PCDHA8: variants seen among roughly 807,000 people sequenced by gnomAD.
PCDHA8 encodes protocadherin alpha-8.
In PCDHA8, 53 loss-of-function variants were observed where a neutral mutation model predicts 61.8. The ratio of observed to expected loss-of-function variants is 0.86; its 90% CI spans 0.69 to 1.08. The LOEUF (loss-of-function observed/expected upper bound fraction) is 1.08, where lower values mean the gene tolerates loss of function less well. Ranked by LOEUF, PCDHA8 falls within the 50% of genes least tolerant of loss-of-function variation. The probability of loss-of-function intolerance (pLI) is 0.00; values close to 1 mark genes in which losing one functional copy is unlikely to be tolerated. For missense variants in PCDHA8, 1,293 were observed against 1,245.0 expected (o/e 1.04, Z -0.58); for synonymous variants, 618 against 556.6 (o/e 1.11, Z -1.55).
At chr5:140,995,548 C>T (rs1554254718) in intron 3 of PCDHA8, among the ~76,000 whole-genome samples, 2 of 152,200 alleles carry the variant, frequency 1.3e-5, no homozygotes, top group Non-Finnish European at 2.9e-5. Context: ...GGGGCGATCA[C>T]TGTACTGAAT....
chr5:140,910,869 C>T (rs2153516135), intron 1 of PCDHA8, among the ~76,000 whole-genome samples: 1 of 152,264 alleles, frequency 6.6e-6, no homozygotes, highest in Non-Finnish European at 1.5e-5. Context: ...CCACCATTAT[C>T]CCACACCCTT....
chr5:140,928,569 G>A (rs2085338493), intron 1 of PCDHA8: 2 of 1,614,202 alleles, frequency 1.2e-6, no homozygotes, highest in Non-Finnish European at 1.7e-6. Flanking sequence ...TGTTTCCCTT[G>A]CCCAGAAATG....
At chr5:140,875,979 C>T in intron 1 of PCDHA8, 5 of 1,613,984 alleles carry the variant, frequency 3.1e-6, no homozygotes, top group Non-Finnish European at 4.2e-6. Context: ...CTCTTTTGAC[C>T]TATGCGTTAA....
rs377328620 is a variant in PCDHA8 at position 140,928,577 on chromosome 5, A to G, written c.2395-50372A>G. On this transcript the variant is annotated intron_variant, in intron 1 of 3. Coordinates refer to ENST00000531613, the MANE Select transcript of PCDHA8 (RefSeq NM_018911.3). ...GTTATCTTGTTTCCCTTGCCCAGAA[A>G]TGGTTCTGTCCCAGTGGAAATTGTG... is the stretch of plus-strand genomic sequence containing the variant. The G allele has an allele frequency of 3.7e-6, 6 of 1,614,070 alleles. No homozygotes were observed. The African/African-American group carries it at 6.7e-5, about 18-fold the overall frequency.
chr5:140,961,648 G>A (rs367674015), intron 1 of PCDHA8, among the ~76,000 whole-genome samples: 1 of 152,156 alleles, frequency 6.6e-6, no homozygotes, highest in African/African-American at 2.4e-5. Flanking sequence ...AGTCTATGTG[G>A]TTAGTTTGAA....
intron 1 of PCDHA8, chr5:140,876,256 A>T: frequency 1.9e-6 from 3 of 1,614,042 alleles, no homozygotes; most frequent in Non-Finnish European, 2.5e-6. Context: ...CACAAGAGTG[A>T]TCCAACTAAA....
chr5:140,926,791 G>A, intron 1 of PCDHA8: 6 of 1,439,200 alleles, frequency 4.2e-6, no homozygotes, highest in East Asian at 2.5e-5. Context: ...GCCGGCAGGA[G>A]CGTGCTCTTC....
intron 1 of PCDHA8, chr5:140,927,862 G>A (rs1397918624): frequency 2.5e-6 from 4 of 1,614,082 alleles, no homozygotes; most frequent in African/African-American, 2.7e-5. Context: ...AGCTAGCACC[G>A]CTAAACTGCT....
chr5:140,902,599 G>A (rs981296505), intron 1 of PCDHA8, among the ~76,000 whole-genome samples: 14 of 152,024 alleles, frequency 9.2e-5, no homozygotes, highest in Admixed American at 3.3e-4. Flanking sequence ...GAAACAGGTC[G>A]TTTTCAGTTA....
intron 1 of PCDHA8, chr5:140,876,109 A>T: frequency 6.2e-7 from 1 of 1,613,946 alleles, no homozygotes; most frequent in Non-Finnish European, 8.5e-7. Context: ...TTTATTGCTG[A>T]TGGTAATCGA....
At chr5:140,849,612 A>T in intron 1 of PCDHA8, 1 of 1,598,736 alleles carries the variant, frequency 6.3e-7, no homozygotes. Context: ...TGCCCTGATT[A>T]GTGTGATCGA....
chr5:140,927,848 G>T (rs1295513512), intron 1 of PCDHA8: 2 of 1,614,180 alleles, frequency 1.2e-6, no homozygotes, highest in Middle Eastern at 3.3e-4. Context: ...GGTGTCTTTG[G>T]TTTAGCTAGC....
intron 1 of PCDHA8, chr5:140,860,673 C>A (rs955931174): frequency 1.2e-4 from 18 of 152,210 alleles, no homozygotes; most frequent in African/African-American, 4.3e-4. Context: ...AAATCAAATG[C>A]ACTTATGTTT....
chr5:140,947,920 A>G (rs1336638527), intron 1 of PCDHA8, among the ~76,000 whole-genome samples: 1 of 151,504 alleles, frequency 6.6e-6, no homozygotes, highest in African/African-American at 2.4e-5. Context: ...TCTTGCCTTA[A>G]CCCTGATCTT....
Position 140,841,187 on chromosome 5 carries a change from CTT to C in PCDHA8, c.-132_-131del, listed in dbSNP as rs1212743736. On this transcript the variant is annotated 5_prime_UTR_variant, in exon 1 of 4. Transcript: ENST00000531613. The stretch of plus-strand genomic sequence containing the variant: ...GTTCTGGTTGGTCAATGTTCAAAGT[CTT>C]TTCTCTGACAGCATCTGTCTCTAAA... 46 of 1,214,448 alleles carry C rather than the reference CTT, an allele frequency of 3.8e-5. 1 individual carries two copies. The Admixed American group carries it at 6.8e-4, about 18-fold the overall frequency. 75.2% of individuals were successfully genotyped at this position (1,214,448 alleles called of 1,614,324 possible).
At chr5:140,852,033 A>C in intron 1 of PCDHA8, 2 of 934,104 alleles carry the variant, frequency 2.1e-6, no homozygotes, top group Non-Finnish European at 2.6e-6. Context: ...TCGCTTATTG[A>C]GTTTTTGTTA....
At chr5:140,999,114 T>C (rs2097847387) in intron 3 of PCDHA8, among the ~76,000 whole-genome samples, 2 of 152,180 alleles carry the variant, frequency 1.3e-5, no homozygotes, top group Non-Finnish European at 2.9e-5. Context: ...CTAGCAACCA[T>C]TTCTAAGCTG....
intron 1 of PCDHA8, chr5:140,877,792 C>A (rs782259804): frequency 1.9e-6 from 3 of 1,613,886 alleles, no homozygotes; most frequent in Non-Finnish European, 2.5e-6. Flanking sequence ...GGCCTTCAGC[C>A]CAAGCCTTCA....
chr5:140,845,639 C>T (rs1007088730), intron 1 of PCDHA8, among the ~76,000 whole-genome samples: 1 of 149,600 alleles, frequency 6.7e-6, no homozygotes, highest in East Asian at 1.9e-4. Context: ...AAATCAAGTC[C>T]TCCCTTTACC....
Sources: gnomAD v4.1 joint callset for allele counts (sites outside exome capture counted in the v4.1 genomes callset) on GRCh38, gnomAD v4.1.1 for gene constraint, MANE v1.5 for transcripts, NCBI Gene and HGNC (gene_info 2026-07-23, HGNC 2026-07-21) for gene names.